Variants in HECW1 observed in about 807,000 individuals in gnomAD.
HECW1 encodes HECT, C2 and WW domain containing E3 ubiquitin protein ligase 1.
HECW1 carries 61 observed loss-of-function variants against 182.3 expected under a neutral mutation model. That is an observed-to-expected ratio of 0.33 (90% CI 0.27 to 0.41). The LOEUF is 0.41. HECW1 is among the 10% of genes least tolerant of loss of function. The pLI is 1.00. For missense variants in HECW1, 1,739 were observed against 2,108.9 expected, an observed-to-expected ratio of 0.82 and a Z score of 3.44; for synonymous variants, 859 against 832.6, an observed-to-expected ratio of 1.03 and a Z score of -0.55.
At chr7:43,224,524 AAG>A (rs2152704909) in intron 2 of HECW1, among the ~76,000 whole-genome samples, 1 of 152,342 alleles carries the variant, frequency 6.6e-6, no homozygotes, top group African/African-American at 2.4e-5. Context: ...GCCATGTGAA[AAG>A]GGGCACAGGT....
intron 6 of HECW1, among the ~76,000 whole-genome samples, chr7:43,383,904 A>G (rs1419887328): frequency 6.6e-6 from 1 of 152,222 alleles, no homozygotes; most frequent in Non-Finnish European, 1.5e-5. Context: ...TAGAGAAAAA[A>G]TATTAAGAAA....
In HECW1 at chr7:43,390,411, C is replaced by A. The variant is rs138339899; in HGVS notation, c.556-6403C>A. 2.4e-4 allele frequency among the ~76,000 whole-genome samples: 37 copies of A among 151,960 alleles called. 1 individual carries two copies. The East Asian group carries it at 6.4e-3, about 26-fold the overall frequency. ...TTTTAATTTGCCAGGCATGGTGGTGCACATCTGTAGTCCCAGCTACCCAGG... is the reference window on the plus strand; with the variant it reads ...TTTTAATTTGCCAGGCATGGTGGTGAACATCTGTAGTCCCAGCTACCCAGG... On this transcript the variant is annotated intron_variant, in intron 6 of 29. Coordinates refer to ENST00000395891, the MANE Select transcript of HECW1 (RefSeq NM_015052.5).
At chr7:43,492,559 C>A (rs1373707427) in intron 18 of HECW1, among the ~76,000 whole-genome samples, 1 of 152,200 alleles carries the variant, frequency 6.6e-6, no homozygotes, top group Non-Finnish European at 1.5e-5. Flanking sequence ...GTATGTATGG[C>A]ATAAAGTTTG....
chr7:43,278,764 C>G (rs928000134), intron 3 of HECW1, among the ~76,000 whole-genome samples: 4 of 152,120 alleles, frequency 2.6e-5, no homozygotes, highest in African/African-American at 9.7e-5. Context: ...TCTCCTCCTC[C>G]TCCTAAGTCA....
At chr7:43,314,382 T>TCACCA (rs1808917192) in intron 4 of HECW1, among the ~76,000 whole-genome samples, 2 of 152,008 alleles carry the variant, frequency 1.3e-5, no homozygotes, top group African/African-American at 4.8e-5. Flanking sequence ...CTCACTCTAG[T>TCACCA]GTTGTGTATA....
chr7:43,360,017 A>G (rs1481957309), intron 5 of HECW1, among the ~76,000 whole-genome samples: 1 of 152,202 alleles, frequency 6.6e-6, no homozygotes, highest in African/African-American at 2.4e-5. Context: ...CATCATCACA[A>G]TCACTAACAT....
intron 5 of HECW1, among the ~76,000 whole-genome samples, chr7:43,351,678 CT>C (rs200929407): frequency 0.11 from 13,779 of 120,516 alleles, 630 homozygotes; most frequent in South Asian, 0.24. Context: ...TTTCTTTCTT[CT>C]TTTTTTTTTT....
chr7:43,331,070 T>C (rs1411024341), intron 5 of HECW1, among the ~76,000 whole-genome samples: 5 of 152,170 alleles, frequency 3.3e-5, no homozygotes, highest in African/African-American at 1.2e-4. Flanking sequence ...TGTGCCATGT[T>C]GGTGTGCTGC....
At chr7:43,488,102 G>T (rs557343448) in intron 17 of HECW1, among the ~76,000 whole-genome samples, 2 of 152,134 alleles carry the variant, frequency 1.3e-5, no homozygotes, top group Admixed American at 1.3e-4. Context: ...CTGAAGTCAG[G>T]AGTTCAAAAC....
At chr7:43,219,702 C>G (rs1415688211) in intron 2 of HECW1, among the ~76,000 whole-genome samples, 2 of 152,166 alleles carry the variant, frequency 1.3e-5, no homozygotes, top group Non-Finnish European at 2.9e-5. Context: ...TATACAATGT[C>G]TGTAATCTAT....
At chr7:43,249,944 G>T (rs1351223115) in intron 3 of HECW1, among the ~76,000 whole-genome samples, 2 of 152,068 alleles carry the variant, frequency 1.3e-5, no homozygotes, top group Non-Finnish European at 1.5e-5. Context: ...AGGATAGCAC[G>T]GTATGTCAGC....
At chr7:43,141,382 C>T (rs1788136170) in intron 2 of HECW1, among the ~76,000 whole-genome samples, 1 of 152,242 alleles carries the variant, frequency 6.6e-6, no homozygotes, top group African/African-American at 2.4e-5. Flanking sequence ...CAGAGAACTG[C>T]TGCACCTGGG....
chr7:43,561,844 T>C lies in HECW1; in HGVS notation c.4739T>C (p.Leu1580Pro). 1 of 1,613,976 alleles carries C rather than the reference T, an allele frequency of 6.2e-7. No homozygotes were observed. The highest frequency in any genetic ancestry group is 1.7e-5 in the Admixed American group (1 of 60,026). The change falls in exon 30 of 30, where the codon CTT becomes CCT. Residue 1580 changes from leucine to proline, a missense_variant. Physicochemically the swap from Leu to Pro is moderately conservative, Grantham distance 98. This residue lies in a region of HECW1 where 420 missense variants were observed against 595.7 expected (regional missense o/e 0.71). Coordinates refer to ENST00000395891, the MANE Select transcript of HECW1 (RefSeq NM_015052.5). ...RAHTCFNRLD[L>P]PPYPSYSMLY... ...CACACATGCTTCAACCGACTGGATC[T>C]TCCACCGTATCCCTCGTACTCCATG...
intron 8 of HECW1, among the ~76,000 whole-genome samples, chr7:43,412,653 T>C (rs2075845309): frequency 7.0e-6 from 1 of 142,964 alleles, no homozygotes; most frequent in African/African-American, 2.6e-5. Context: ...CCTTCCTGTG[T>C]CCATGTGATC....
At chr7:43,388,739 C>T (rs1323942959) in intron 6 of HECW1, among the ~76,000 whole-genome samples, 1 of 152,222 alleles carries the variant, frequency 6.6e-6, no homozygotes, top group African/African-American at 2.4e-5. Context: ...TCTCATGCCT[C>T]AGCCCCTCGA....
intron 3 of HECW1, chr7:43,248,486 T>G (rs559146194): frequency 1.3e-5 from 2 of 152,280 alleles, no homozygotes; most frequent in African/African-American, 4.8e-5. Flanking sequence ...TTCCCTAAAC[T>G]TCCACTAATC....
At chr7:43,174,982 A>G (rs1267829011) in intron 2 of HECW1, among the ~76,000 whole-genome samples, 1 of 152,206 alleles carries the variant, frequency 6.6e-6, no homozygotes, top group Non-Finnish European at 1.5e-5. Flanking sequence ...ATATTAATAA[A>G]ACAAACACAT....
At chr7:43,541,618 T>G (rs1409723369) in intron 25 of HECW1, among the ~76,000 whole-genome samples, 1 of 152,240 alleles carries the variant, frequency 6.6e-6, no homozygotes, top group Non-Finnish European at 1.5e-5. Flanking sequence ...TCTCCAATTT[T>G]CATGCAGAGT....
chr7:43,312,040 T>C lies in HECW1; in HGVS notation c.305T>C (p.Ile102Thr). Residue 102 changes from isoleucine to threonine, a missense_variant, in exon 4 of 30, where the codon ATA (isoleucine) becomes ACA (threonine). Ile to Thr is a moderately conservative substitution (Grantham distance 89). Transcript: ENST00000395891. Reference sequence around the variant, plus strand: ...CAGGACCTGGTCATCCACTGGGACATAAAGGAGGAAGTGGACGCTGGGGAC... The same window carrying C: ...CAGGACCTGGTCATCCACTGGGACACAAAGGAGGAAGTGGACGCTGGGGAC... Reference protein sequence around the residue: ...HSQDLVIHWDIKEEVDAGDWI... With the variant: ...HSQDLVIHWDTKEEVDAGDWI... The C allele has an allele frequency of 6.2e-7, 1 of 1,614,236 alleles. No individual in the cohort carries two copies. Among genetic ancestry groups the C allele is most frequent in the Non-Finnish European group, 8.5e-7 (1 of 1,180,040 alleles).
Sources: allele counts gnomAD v4.1 joint callset (sites outside exome capture counted in the v4.1 genomes callset), GRCh38; gene constraint gnomAD v4.1.1; regional missense constraint gnomAD v4.1.1; transcripts MANE v1.5; gene names NCBI Gene and HGNC (gene_info 2026-07-23, HGNC 2026-07-21).